The following DCAF1 variants were observed in gnomAD, a reference collection of about 807,000 sequenced individuals.
DCAF1 encodes DDB1- and CUL4-associated factor 1.
Under a neutral mutation model 128.0 loss-of-function variants are expected in DCAF1, and 15 were observed. The ratio of observed to expected loss-of-function variants is 0.12; its 90% confidence interval spans 0.08 to 0.18. The LOEUF is 0.18. Among genes scored for constraint, DCAF1 ranks in the 10% least tolerant of loss-of-function variants. DCAF1 has a pLI of 1.00. For synonymous variants in DCAF1, 610 were observed against 603.0 expected, an observed-to-expected ratio of 1.01 and a Z score of -0.17; for missense variants, 988 against 1,649.5, an observed-to-expected ratio of 0.60 and a Z score of 6.95.
intron 6 of DCAF1, among the ~76,000 whole-genome samples, chr3:51,449,164 T>A (rs571219358): frequency 6.6e-6 from 1 of 152,294 alleles, no homozygotes; most frequent in South Asian, 2.1e-4. Flanking sequence ...TACCAAAACC[T>A]ATGGAATGCA....
At chr3:51,433,548 G>A (rs1700560330) in intron 9 of DCAF1, among the ~76,000 whole-genome samples, 2 of 151,218 alleles carry the variant, frequency 1.3e-5, no homozygotes, top group Admixed American at 1.3e-4. Context: ...TGCAACCTCC[G>A]CCTCCCAGGT....
In DCAF1 at chr3:51,473,424, T is replaced by C. The variant is rs910999559; in HGVS notation, c.111-2419A>G. 9.2e-5 allele frequency among the ~76,000 whole-genome samples: 13 copies of C among 141,708 alleles called. No homozygotes were observed. The East Asian group carries it at 1.9e-3, about 21-fold the overall frequency. 93.0% of individuals were successfully genotyped at this position (141,708 alleles called of 152,430 possible). ...ATTTCCAGGACACTATACTTTCTAGTCTTTTTTTTTTTTTTTTTTTTTAAG... is the reference window on the plus strand; with the variant it reads ...ATTTCCAGGACACTATACTTTCTAGCCTTTTTTTTTTTTTTTTTTTTTAAG... On this transcript the variant is annotated intron_variant, in intron 3 of 24. Coordinates refer to ENST00000684031, the MANE Select transcript of DCAF1 (RefSeq NM_001387579.1).
At chr3:51,456,605 G>A (rs180943283) in intron 6 of DCAF1, among the ~76,000 whole-genome samples, 36 of 152,262 alleles carry the variant, frequency 2.4e-4, no homozygotes, top group African/African-American at 6.7e-4. Context: ...GAGAACAGGC[G>A]GACTGCCTCC....
intron 6 of DCAF1, among the ~76,000 whole-genome samples, chr3:51,454,331 G>A (rs1553642267): frequency 2.6e-5 from 4 of 152,076 alleles, no homozygotes; most frequent in Non-Finnish European, 4.4e-5. Flanking sequence ...TTACAGATAT[G>A]AGCCAACTCA....
chr3:51,487,401 A>G (rs1448291269), intron 2 of DCAF1, among the ~76,000 whole-genome samples: 3 of 152,186 alleles, frequency 2.0e-5, no homozygotes, highest in Non-Finnish European at 4.4e-5. Context: ...TACACTGTCA[A>G]AATTAAGAAA....
downstream of DCAF1, chr3:51,396,959 G>C (rs1485485892): frequency 6.0e-6 from 1 of 166,992 alleles, no homozygotes; most frequent in Non-Finnish European, 1.5e-5. Context: ...TGAGTCCTCT[G>C]CTCTCCAGAG....
chr3:51,432,140 G>T (rs75067879), intron 10 of DCAF1, among the ~76,000 whole-genome samples: 4 of 151,614 alleles, frequency 2.6e-5, no homozygotes, highest in African/African-American at 9.7e-5. Context: ...GCACAGTGGT[G>T]GGCGCCTGTA....
chr3:51,475,458 T>A (rs1705317772), intron 3 of DCAF1, among the ~76,000 whole-genome samples: 1 of 152,080 alleles, frequency 6.6e-6, no homozygotes, highest in Admixed American at 6.6e-5. Context: ...ATTTAAAAAC[T>A]AGCCAGGCAT....
intron 6 of DCAF1, among the ~76,000 whole-genome samples, chr3:51,449,698 C>T (rs1352179595): frequency 1.3e-5 from 2 of 151,804 alleles, no homozygotes; most frequent in African/African-American, 4.8e-5. Context: ...TACAGAAAGT[C>T]AATGAAACTA....
At chr3:51,441,196 AC>A (rs1302042094) in intron 8 of DCAF1, 125 bp from the exon 9 acceptor site, 64 of 1,165,964 alleles carry the variant, frequency 5.5e-5, no homozygotes, top group Non-Finnish European at 7.7e-5. Context: ...GTGAAGATAA[AC>A]GTGTAAATGC....
intron 3 of DCAF1, among the ~76,000 whole-genome samples, chr3:51,476,571 T>A (rs1577274417): frequency 5.1e-5 from 2 of 39,176 alleles, no homozygotes; most frequent in African/African-American, 1.2e-4. Context: ...AAATTATATC[T>A]CAAAAAAAAA....
intron 2 of DCAF1, among the ~76,000 whole-genome samples, chr3:51,492,786 A>G (rs1363737085): frequency 6.6e-6 from 1 of 151,434 alleles, no homozygotes; most frequent in Non-Finnish European, 1.5e-5. Flanking sequence ...CGAGGTCAGG[A>G]GACAGAGACC....
At chr3:51,404,782 G>C (rs915505582) in intron 23 of DCAF1, among the ~76,000 whole-genome samples, 1 of 152,182 alleles carries the variant, frequency 6.6e-6, no homozygotes, top group African/African-American at 2.4e-5. Flanking sequence ...CACACACATA[G>C]AAGGCCTGAG....
At chr3:51,501,172 G>GTTA (rs1212765391), upstream of DCAF1, among the ~76,000 whole-genome samples, 1 of 152,154 alleles carries the variant, frequency 6.6e-6, no homozygotes, top group Non-Finnish European at 1.5e-5. Flanking sequence ...TTATTGCCAG[G>GTTA]TTATTATACG....
rs566269911 is a variant in DCAF1 at position 51,399,905 on chromosome 3, T to A, written c.4466-1078A>T. On this transcript the variant is annotated intron_variant, in intron 24 of 24. Transcript: ENST00000684031. ...GCCACTAGATGCAAAGAATCCCTCA[T>A]CAGCCTTTTTCCAGTGCCTAAGAGA... 4.6e-5 allele frequency among the ~76,000 whole-genome samples: 7 copies of A among 152,234 alleles called. No individual in the cohort carries two copies. The East Asian group carries it at 1.2e-3, about 25-fold the overall frequency.
At chr3:51,484,682 CTTTT>C (rs1228009412) in intron 2 of DCAF1, among the ~76,000 whole-genome samples, 1 of 127,076 alleles carries the variant, frequency 7.9e-6, no homozygotes. Flanking sequence ...TTAATTTTTT[CTTTT>C]TTTTTTTTTT....
intron 9 of DCAF1, chr3:51,440,293 C>T: frequency 2.8e-6 from 1 of 362,710 alleles, no homozygotes; most frequent in South Asian, 2.1e-5. Flanking sequence ...CATGCTAAAA[C>T]ACACAGGCAC....
intron 3 of DCAF1, among the ~76,000 whole-genome samples, chr3:51,480,957 C>T (rs1312586703): frequency 6.6e-6 from 1 of 151,998 alleles, no homozygotes; most frequent in Admixed American, 6.6e-5. Context: ...TACTTAATAA[C>T]TGTGTGGTAC....
upstream of DCAF1, among the ~76,000 whole-genome samples, chr3:51,504,510 G>C (rs1309093958): frequency 1.3e-5 from 2 of 151,964 alleles, no homozygotes; most frequent in Non-Finnish European, 2.9e-5. Flanking sequence ...ACAACACCTG[G>C]CTAATCTTTG....
Sources: gnomAD v4.1 joint callset for allele counts (sites outside exome capture counted in the v4.1 genomes callset) on GRCh38, gnomAD v4.1.1 for gene constraint, MANE v1.5 for transcripts, NCBI Gene and HGNC (gene_info 2026-07-23, HGNC 2026-07-21) for gene names.